GADL1: variants seen among roughly 807,000 people sequenced by gnomAD.
GADL1 encodes the protein GAD like acidic amino acid decarboxylase 1.
In GADL1, 71 loss-of-function variants were observed where a neutral mutation model predicts 69.5. That is an observed-to-expected ratio of 1.02 (90% CI 0.84 to 1.25). The LOEUF (loss-of-function observed/expected upper bound fraction) is 1.25, where lower values mean the gene tolerates loss of function less well. GADL1 is among the 50% of genes most tolerant of loss of function. The pLI, the probability that GADL1 is intolerant of heterozygous loss-of-function variation, is 0.00. For synonymous variants in GADL1, 254 were observed against 214.4 expected (o/e 1.18, Z -1.62); for missense variants, 737 against 631.8 (o/e 1.17, Z -1.79).
intron 12 of GADL1, among the ~76,000 whole-genome samples, chr3:30,787,880 A>G (rs143030922): frequency 4.6e-5 from 7 of 152,302 alleles, no homozygotes; most frequent in African/African-American, 1.4e-4. Context: ...TATGGAATAC[A>G]CTAGTTTTTA....
At chr3:30,888,993 C>G (rs1166069653) in intron 1 of GADL1, among the ~76,000 whole-genome samples, 2 of 145,840 alleles carry the variant, frequency 1.4e-5, no homozygotes, top group African/African-American at 5.1e-5. Context: ...ATTCATACCT[C>G]TATTCGCAAA....
intron 14 of GADL1, among the ~76,000 whole-genome samples, chr3:30,733,966 A>G (rs998106425): frequency 6.6e-6 from 1 of 152,154 alleles, no homozygotes; most frequent in African/African-American, 2.4e-5. Context: ...CACTGTACTC[A>G]GGAGAAATTA....
In GADL1 at chr3:30,775,517, A is replaced by G. The variant is rs76320423; in HGVS notation, c.1392+2662T>C. On this transcript the variant is annotated intron_variant, in intron 14 of 14. Transcript: ENST00000282538. ...TGCACACTTCCTGACTTGCAGGGAG[A>G]GAATGATAGGAAATTAAGAAACTCA... Among the ~76,000 whole-genome samples, 5 of 152,156 alleles carry G rather than the reference A, an allele frequency of 3.3e-5. No homozygotes were observed. The East Asian group carries it at 9.7e-4, about 29-fold the overall frequency.
chr3:30,796,700 A>AG (rs1697039853), intron 12 of GADL1, among the ~76,000 whole-genome samples: 1 of 152,194 alleles, frequency 6.6e-6, no homozygotes, highest in South Asian at 2.1e-4. Context: ...AGAGAGACTG[A>AG]GGACTGCTGA....
chr3:30,755,746 C>CGA (rs1559488905), intron 14 of GADL1, among the ~76,000 whole-genome samples: 2 of 152,008 alleles, frequency 1.3e-5, no homozygotes, highest in Admixed American at 1.3e-4. Context: ...AATTGTTAAA[C>CGA]GAATGAATGA....
intron 1 of GADL1, among the ~76,000 whole-genome samples, chr3:30,888,136 T>C (rs538426703): frequency 6.6e-6 from 1 of 152,342 alleles, no homozygotes; most frequent in South Asian, 2.1e-4. Context: ...TTCTATTTTT[T>C]TAAAATATTT....
At chr3:30,805,453 CTTA>C (rs2125509275) in intron 11 of GADL1, among the ~76,000 whole-genome samples, 1 of 122,936 alleles carries the variant, frequency 8.1e-6, no homozygotes, top group African/African-American at 4.5e-5. Flanking sequence ...GTTTCAAACT[CTTA>C]TTTTTTCCTA....
intron 12 of GADL1, among the ~76,000 whole-genome samples, chr3:30,786,623 A>G (rs529233423): frequency 9.2e-5 from 14 of 152,312 alleles, no homozygotes; most frequent in African/African-American, 3.4e-4. Flanking sequence ...GATGATATCT[A>G]TCTCACATGT....
chr3:30,781,829 T>C (rs1002947231), intron 13 of GADL1, among the ~76,000 whole-genome samples: 2 of 152,204 alleles, frequency 1.3e-5, no homozygotes, highest in African/African-American at 2.4e-5. Context: ...TTAGTGACTA[T>C]TATTTGGGGC....
At chr3:30,730,877 G>A (rs1234146734) in intron 14 of GADL1, among the ~76,000 whole-genome samples, 1 of 152,096 alleles carries the variant, frequency 6.6e-6, no homozygotes, top group Non-Finnish European at 1.5e-5. Context: ...GTGTGCCTGT[G>A]CATATATGCA....
chr3:30,798,170 T>C (rs938928742), intron 12 of GADL1: 2 of 152,300 alleles, frequency 1.3e-5, no homozygotes, highest in Non-Finnish European at 2.9e-5. Flanking sequence ...CATCCAGACT[T>C]TTGTGTCACC....
At chr3:30,867,998 T>C (rs764269385) in intron 1 of GADL1, among the ~76,000 whole-genome samples, 4 of 152,022 alleles carry the variant, frequency 2.6e-5, no homozygotes, top group Non-Finnish European at 4.4e-5. Context: ...TAATAAATAA[T>C]ATACTTTTAA....
intron 14 of GADL1, among the ~76,000 whole-genome samples, chr3:30,739,425 G>GT (rs1000788886): frequency 2.0e-5 from 3 of 151,988 alleles, no homozygotes; most frequent in African/African-American, 7.3e-5. Context: ...TTGTTTATAG[G>GT]TTTTTTCCAC....
chr3:30,814,547 C>G (rs912524551), intron 11 of GADL1, among the ~76,000 whole-genome samples: 1 of 152,074 alleles, frequency 6.6e-6, no homozygotes, highest in Non-Finnish European at 1.5e-5. Context: ...AATGAGCATG[C>G]CTGTGTTCTA....
intron 14 of GADL1, among the ~76,000 whole-genome samples, chr3:30,773,181 C>T (rs1696457150): frequency 6.6e-6 from 1 of 152,058 alleles, no homozygotes; most frequent in Non-Finnish European, 1.5e-5. Context: ...AAAATTCATC[C>T]TTATAAAAAC....
At chr3:30,892,385 G>T (rs983479695) in intron 1 of GADL1, among the ~76,000 whole-genome samples, 3 of 152,188 alleles carry the variant, frequency 2.0e-5, no homozygotes, top group Admixed American at 2.0e-4. Context: ...TAGTCTGACA[G>T]ATAGTTGTCT....
chr3:30,822,767 G>GT (rs1253547905), intron 11 of GADL1, among the ~76,000 whole-genome samples: 1 of 151,986 alleles, frequency 6.6e-6, no homozygotes, highest in Non-Finnish European at 1.5e-5. Flanking sequence ...CTTTTCAGCA[G>GT]TGTTCTCATT....
intron 14 of GADL1, among the ~76,000 whole-genome samples, chr3:30,767,924 AT>A (rs1696322194): frequency 6.6e-6 from 1 of 152,088 alleles, no homozygotes; most frequent in African/African-American, 2.4e-5. Flanking sequence ...TATGAAAAAA[AT>A]GAATACACTG....
chr3:30,828,003 A>G (rs181152275), intron 11 of GADL1, among the ~76,000 whole-genome samples: 1 of 152,008 alleles, frequency 6.6e-6, no homozygotes, highest in East Asian at 1.9e-4. Flanking sequence ...ATGTACCTGT[A>G]CAGAAAAAGT....
Sources: gnomAD v4.1 joint callset for allele counts (sites outside exome capture counted in the v4.1 genomes callset) on GRCh38, gnomAD v4.1.1 for gene constraint, MANE v1.5 for transcripts, NCBI Gene and HGNC (gene_info 2026-07-23, HGNC 2026-07-21) for gene names.